ABCD3: variants seen among roughly 807,000 people sequenced by gnomAD.
ABCD3 encodes the protein ATP binding cassette subfamily D member 3.
In ABCD3, 41 loss-of-function variants were observed where a neutral mutation model predicts 105.5. The observed-to-expected ratio is 0.39, with a 90% CI of 0.30 to 0.50. The LOEUF is 0.50. Among genes scored for constraint, ABCD3 ranks in the 20% least tolerant of loss-of-function variants. ABCD3 has a pLI of 0.84. For synonymous variants in ABCD3, 258 were observed against 269.0 expected (o/e 0.96, Z 0.40); for missense variants, 622 against 806.3 (o/e 0.77, Z 2.77).
In ABCD3 at chr1:94,418,559, C is replaced by G. The variant is rs867881140; in HGVS notation, c.81C>G (p.His27Gln). 11 of 1,602,610 alleles carry G rather than the reference C, an allele frequency of 6.9e-6. No individual in the cohort carries two copies. Among genetic ancestry groups the G allele is most frequent in the African/African-American group, 2.7e-5 (2 of 74,842 alleles). ...CGTTCCTGCTGCTCTGCCTGCTCCA[C>G]AAGCGGCGCCGCGCCCTCGGCCTGC... ...GAAFLLLCLLHKRRRALGLHG... is the reference protein window; with the variant it reads ...GAAFLLLCLLQKRRRALGLHG... The change falls in exon 1 of 23, where the codon CAC (histidine) becomes CAG (glutamine). Residue 27 changes from histidine (H) to glutamine (Q), a missense_variant. By Grantham distance (24) the His-to-Gln change is conservative (BLOSUM62 0). This residue lies in a region of ABCD3 where 89 missense variants were observed against 77.5 expected (regional missense o/e 1.15). Transcript: ENST00000370214.
chr1:94,452,129 A>G (rs1032719874), intron 1 of ABCD3, among the ~76,000 whole-genome samples: 2 of 152,210 alleles, frequency 1.3e-5, no homozygotes, highest in African/African-American at 4.8e-5. Context: ...CCTAACTGGT[A>G]CAGTTTTGAG....
intron 5 of ABCD3, among the ~76,000 whole-genome samples, chr1:94,474,486 G>A (rs1225703913): frequency 6.6e-6 from 1 of 152,098 alleles, no homozygotes; most frequent in African/African-American, 2.4e-5. Flanking sequence ...AAGCTTGGTT[G>A]TAAAATCCAG....
the ABCD3 span, among the ~76,000 whole-genome samples, chr1:94,401,366 T>C: frequency 6.6e-6 from 1 of 152,258 alleles, no homozygotes; most frequent in Non-Finnish European, 1.5e-5. Flanking sequence ...GCCCCAATTC[T>C]ACAGGAATGT....
the ABCD3 span, among the ~76,000 whole-genome samples, chr1:94,408,588 C>A: frequency 2.1e-4 from 32 of 151,850 alleles, no homozygotes; most frequent in Admixed American, 5.9e-4. Flanking sequence ...AGCAAGACTC[C>A]ATCTCAAAAA....
At chr1:94,418,789 G>C (rs939607433) in intron 1 of ABCD3, 4 of 599,116 alleles carry the variant, frequency 6.7e-6, no homozygotes, top group Non-Finnish European at 1.2e-5. Context: ...TGGCCTGTCC[G>C]GCGACCTCGC....
chr1:94,418,621 G>A (rs1226152735), intron 1 of ABCD3, 33 bp downstream of exon 1: 2 of 1,554,344 alleles, frequency 1.3e-6, no homozygotes, highest in South Asian at 2.3e-5. Context: ...AGCTTTCCCG[G>A]GCTGGAGCGG....
At chr1:94,516,336 C>T (rs1216983448) in intron 22 of ABCD3, among the ~76,000 whole-genome samples, 2 of 151,878 alleles carry the variant, frequency 1.3e-5, no homozygotes, top group African/African-American at 4.8e-5. Flanking sequence ...TTAAAGATAG[C>T]TTTTATTATT....
At chr1:94,475,557 G>T (rs1157185365) in intron 6 of ABCD3, 57 bp from the exon 7 acceptor site, 3 of 1,552,842 alleles carry the variant, frequency 1.9e-6, no homozygotes, top group South Asian at 2.3e-5. Flanking sequence ...TTTTTTTGTT[G>T]TTGTTTTATC....
At position 94,455,520 on chromosome 1, in the gene ABCD3, T is replaced by G. The variant is rs556248716; in HGVS notation, c.111-3087T>G. Among the ~76,000 whole-genome samples, 36 of 152,192 alleles carry G rather than the reference T, an allele frequency of 2.4e-4. No individual in the cohort carries two copies. In the South Asian group the frequency reaches 7.5e-3, roughly 32 times the overall value. ...TTGTATTTTTAGTAGAGACGGGGTTTCTCCATGTCAGTCAGGCTGGTCTCA... is the reference window on the plus strand; with the variant it reads ...TTGTATTTTTAGTAGAGACGGGGTTGCTCCATGTCAGTCAGGCTGGTCTCA... On this transcript the variant is annotated intron_variant, in intron 1 of 22. Coordinates refer to ENST00000370214, the MANE Select transcript of ABCD3 (RefSeq NM_002858.4).
intron 21 of ABCD3, among the ~76,000 whole-genome samples, chr1:94,507,154 C>T: frequency 1.3e-5 from 2 of 151,662 alleles, no homozygotes; most frequent in Admixed American, 6.6e-5. Flanking sequence ...CCCCACCCCA[C>T]AACAGTCCCC....
chr1:94,465,821 C>T (rs374809458), intron 3 of ABCD3, among the ~76,000 whole-genome samples: 104 of 152,152 alleles, frequency 6.8e-4, no homozygotes, highest in African/African-American at 2.0e-3. Flanking sequence ...AAAATAATGC[C>T]GTATTCTCCA....
the ABCD3 span, among the ~76,000 whole-genome samples, chr1:94,390,355 T>G: frequency 6.6e-6 from 1 of 151,964 alleles, no homozygotes; most frequent in Non-Finnish European, 1.5e-5. Flanking sequence ...CAGGCTGGAG[T>G]ATAGTGGTGT....
the ABCD3 span, among the ~76,000 whole-genome samples, chr1:94,387,754 T>A: frequency 1.3e-5 from 2 of 152,232 alleles, no homozygotes; most frequent in Non-Finnish European, 2.9e-5. Flanking sequence ...CAGCTCTGAG[T>A]GCGACAAGGG....
At chr1:94,436,414 C>T (rs1255137152) in intron 1 of ABCD3, among the ~76,000 whole-genome samples, 2 of 152,182 alleles carry the variant, frequency 1.3e-5, no homozygotes, top group Non-Finnish European at 2.9e-5. Flanking sequence ...AATATCTCTA[C>T]TATTAATATG....
intron 1 of ABCD3, among the ~76,000 whole-genome samples, chr1:94,448,740 C>G (rs1161118013): frequency 6.6e-6 from 1 of 152,118 alleles, no homozygotes; most frequent in Non-Finnish European, 1.5e-5. Context: ...AGATAATGCC[C>G]CAGGCTATAC....
At chr1:94,439,697 A>G (rs1182373223) in intron 1 of ABCD3, among the ~76,000 whole-genome samples, 1 of 152,176 alleles carries the variant, frequency 6.6e-6, no homozygotes, top group Admixed American at 6.5e-5. Context: ...TTGTATATTT[A>G]CTTTCATGTT....
At chr1:94,516,987 T>C in intron 22 of ABCD3, 65 bp from the exon 23 acceptor site, 1 of 1,120,288 alleles carries the variant, frequency 8.9e-7, no homozygotes, top group Non-Finnish European at 1.4e-6. Flanking sequence ...TATTTTACTT[T>C]TCATAAAAGA....
At chr1:94,416,882 G>A (rs946764758), upstream of ABCD3, among the ~76,000 whole-genome samples, 7 of 152,190 alleles carry the variant, frequency 4.6e-5, no homozygotes, top group Non-Finnish European at 8.8e-5. Flanking sequence ...AATCTAGACA[G>A]GCCTTGCTGG....
chr1:94,480,106 A>C (rs775258815), intron 8 of ABCD3: 3 of 273,720 alleles, frequency 1.1e-5, no homozygotes, highest in Middle Eastern at 2.5e-3. Context: ...AAAAGAAGGC[A>C]AGAAAAAGAG....
Sources: gnomAD v4.1 joint callset for allele counts (sites outside exome capture counted in the v4.1 genomes callset) on GRCh38, gnomAD v4.1.1 for gene constraint, gnomAD v4.1.1 regional missense constraint, MANE v1.5 for transcripts, NCBI Gene and HGNC (gene_info 2026-07-23, HGNC 2026-07-21) for gene names.